Variants in GNA14 observed in about 807,000 individuals in gnomAD.
GNA14 encodes the protein guanine nucleotide-binding protein subunit alpha-14.
A neutral mutation model predicts 42.0 loss-of-function variants in GNA14; 50 were observed. The observed-to-expected ratio is 1.19, with a 90% CI of 0.95 to 1.51. The LOEUF is 1.51. Ranked by LOEUF, GNA14 falls within the 40% of genes most tolerant of loss-of-function variation. The pLI is 0.00. For missense variants in GNA14, 473 were observed against 446.2 expected (o/e 1.06, Z -0.54); for synonymous variants, 173 against 163.1 (o/e 1.06, Z -0.46).
intron 1 of GNA14, among the ~76,000 whole-genome samples, chr9:77,640,646 A>G (rs1824242090): frequency 6.6e-6 from 1 of 152,132 alleles, no homozygotes; most frequent in Non-Finnish European, 1.5e-5. Flanking sequence ...GACATGACTT[A>G]GCACCTTGAT....
chr9:77,484,412 G>A (rs1253617557), intron 2 of GNA14, among the ~76,000 whole-genome samples: 2 of 140,740 alleles, frequency 1.4e-5, no homozygotes, highest in Admixed American at 7.5e-5. Context: ...GCTCAACTGT[G>A]AACAATATTT....
rs773728283 is a variant in GNA14, at chr9:77,647,799, G to A, written c.-6C>T. 6.2e-7 allele frequency: 1 copy of A among 1,606,734 alleles called. No individual in the cohort carries two copies. Among genetic ancestry groups the A allele is most frequent in the Non-Finnish European group, 8.5e-7 (1 of 1,178,252 alleles). ...AGGCAGCAGCAGCCGGCCATGGTGC[G>A]CTCAGCTCAGTACCCGACGGGGCGA... On this transcript the variant is annotated 5_prime_UTR_variant, in exon 1 of 7. Coordinates refer to ENST00000341700, the MANE Select transcript of GNA14 (RefSeq NM_004297.4).
intron 2 of GNA14, 118 bp downstream of exon 2, chr9:77,528,951 C>G: frequency 2.4e-6 from 2 of 848,896 alleles, no homozygotes; most frequent in East Asian, 2.4e-5. Context: ...GATCCCCACA[C>G]CCCAGGGAAC....
intron 2 of GNA14, among the ~76,000 whole-genome samples, chr9:77,481,917 T>C (rs183935211): frequency 1.3e-5 from 2 of 152,290 alleles, no homozygotes; most frequent in Non-Finnish European, 2.9e-5. Context: ...TCTTCCTCCA[T>C]CCTTTTTTTT....
intron 1 of GNA14, among the ~76,000 whole-genome samples, chr9:77,563,893 G>A (rs983058620): frequency 2.0e-5 from 3 of 152,168 alleles, no homozygotes; most frequent in African/African-American, 7.2e-5. Context: ...AGTTTATCCA[G>A]AAGACCAGCA....
chr9:77,426,709 G>C (rs1835459195), intron 5 of GNA14, among the ~76,000 whole-genome samples: 1 of 152,200 alleles, frequency 6.6e-6, no homozygotes, highest in Non-Finnish European at 1.5e-5. Context: ...ACATTGGCAA[G>C]AAGATATTAA....
Position 77,579,779 on chromosome 9 carries a change from G to A in GNA14, c.125-50526C>T, listed in dbSNP as rs181712021. The stretch of plus-strand genomic sequence containing the variant: ...GGCAAGTCCTAATTTGTTCAATTGT[G>A]AAGTGCTTGGACAGAAATTACTGCT... On this transcript the variant is annotated intron_variant, in intron 1 of 6. Coordinates refer to ENST00000341700, the MANE Select transcript of GNA14 (RefSeq NM_004297.4). Among the ~76,000 whole-genome samples, 3 of 152,272 alleles carry A rather than the reference G, an allele frequency of 2.0e-5. No individual in the cohort carries two copies. The East Asian group carries it at 5.8e-4, about 29-fold the overall frequency.
At chr9:77,563,644 ATAGGAG>A (rs1822918876) in intron 1 of GNA14, among the ~76,000 whole-genome samples, 1 of 152,194 alleles carries the variant, frequency 6.6e-6, no homozygotes, top group Non-Finnish European at 1.5e-5. Flanking sequence ...GAACATAGAA[ATAGGAG>A]AAACTGGGCT....
At chr9:77,539,579 T>C (rs1256577727) in intron 1 of GNA14, among the ~76,000 whole-genome samples, 4 of 152,198 alleles carry the variant, frequency 2.6e-5, no homozygotes, top group Admixed American at 1.3e-4. Context: ...TTCAGGAAGA[T>C]TGGTATTAGT....
intron 1 of GNA14, among the ~76,000 whole-genome samples, chr9:77,635,903 A>G (rs1461486982): frequency 6.6e-6 from 1 of 152,178 alleles, no homozygotes; most frequent in Non-Finnish European, 1.5e-5. Context: ...GTGTTTCTCA[A>G]ACACTGTAGG....
chr9:77,639,096 A>C (rs1321246334), intron 1 of GNA14, among the ~76,000 whole-genome samples: 3 of 152,174 alleles, frequency 2.0e-5, no homozygotes, highest in Admixed American at 2.0e-4. Flanking sequence ...ATTTAGGAAA[A>C]GTTATTTTAT....
intron 1 of GNA14, among the ~76,000 whole-genome samples, chr9:77,556,085 A>T (rs938806904): frequency 6.6e-6 from 1 of 152,112 alleles, no homozygotes. Context: ...TCTCTACAAA[A>T]ATACAAAAAT....
intron 2 of GNA14, among the ~76,000 whole-genome samples, chr9:77,479,340 C>T (rs1353943381): frequency 2.6e-5 from 4 of 151,020 alleles, no homozygotes; most frequent in South Asian, 2.1e-4. Flanking sequence ...TGTAGATATG[C>T]GGCATTATTT....
At chr9:77,476,454 T>C (rs1394351922) in intron 2 of GNA14, among the ~76,000 whole-genome samples, 1 of 152,112 alleles carries the variant, frequency 6.6e-6, no homozygotes, top group Non-Finnish European at 1.5e-5. Flanking sequence ...AGAATACCAG[T>C]TCACACACAG....
intron 5 of GNA14, among the ~76,000 whole-genome samples, chr9:77,427,904 T>C (rs1835477680): frequency 6.6e-6 from 1 of 152,176 alleles, no homozygotes; most frequent in Non-Finnish European, 1.5e-5. Context: ...GGGAGCACCA[T>C]GGGCCTATGG....
intron 1 of GNA14, among the ~76,000 whole-genome samples, chr9:77,635,822 G>A (rs555211751): frequency 6.6e-6 from 1 of 152,252 alleles, no homozygotes; most frequent in African/African-American, 2.4e-5. Context: ...ACCTGGCCCC[G>A]TGACATCTGC....
At chr9:77,464,359 G>C (rs1228879487) in intron 2 of GNA14, among the ~76,000 whole-genome samples, 1 of 141,828 alleles carries the variant, frequency 7.1e-6, no homozygotes, top group African/African-American at 3.0e-5. Context: ...ATATGTGTGT[G>C]TGTGTGTGTG....
rs557838365 is a variant in GNA14 at position 77,620,773 on chromosome 9, G to A, written c.124+26897C>T. Among the ~76,000 whole-genome samples the A allele has an allele frequency of 4.7e-3, 709 of 149,404 alleles. 2 individuals are homozygous for A. The highest frequency in any genetic ancestry group is 0.01 in the Middle Eastern group (3 of 288). Reference sequence around the variant, plus strand: ...GAGGCAGGAGAATTTGTTTGAACGCGCGAGGTGGAGGTTGCAGTGAGCCAA... The same window carrying A: ...GAGGCAGGAGAATTTGTTTGAACGCACGAGGTGGAGGTTGCAGTGAGCCAA... On this transcript the variant is annotated intron_variant, in intron 1 of 6. Transcript: ENST00000341700.
intron 2 of GNA14, among the ~76,000 whole-genome samples, chr9:77,443,657 AGTTC>A (rs1460093019): frequency 6.6e-6 from 1 of 152,218 alleles, no homozygotes; most frequent in African/African-American, 2.4e-5. Context: ...TGAGGGGCCA[AGTTC>A]GTTACTTTAT....
Sources: gnomAD v4.1 joint callset for allele counts (sites outside exome capture counted in the v4.1 genomes callset) on GRCh38, gnomAD v4.1.1 for gene constraint, MANE v1.5 for transcripts, NCBI Gene and HGNC (gene_info 2026-07-23, HGNC 2026-07-21) for gene names.